The following ZNF608 variants were observed in gnomAD, a reference collection of about 807,000 sequenced individuals.
The protein encoded by ZNF608 is renal carcinoma antigen NY-REN-36.
Under a neutral mutation model 109.0 loss-of-function variants are expected in ZNF608, and 12 were observed. That is an observed-to-expected ratio of 0.11 (90% CI 0.07 to 0.18). The LOEUF (loss-of-function observed/expected upper bound fraction) is 0.18, where lower values mean the gene tolerates loss of function less well. Ranked by LOEUF, ZNF608 falls within the 10% of genes least tolerant of loss-of-function variation. ZNF608 has a pLI of 1.00. For missense variants in ZNF608, 1,707 were observed against 1,879.3 expected, an observed-to-expected ratio of 0.91 and a Z score of 1.70; for synonymous variants, 732 against 717.4, an observed-to-expected ratio of 1.02 and a Z score of -0.33.
chr5:124,647,583 G>T lies in ZNF608; in HGVS notation c.2801C>A (p.Thr934Lys). ...QNGAESSAAKTSSPAYSDISD... is the reference protein window; with the variant it reads ...QNGAESSAAKKSSPAYSDISD... Reference sequence around the variant, plus strand: ...TATGTCTGAATAGGCCGGGCTGCTTGTCTTTGCAGCTGAACTCTCTGCCCC... The same window carrying T: ...TATGTCTGAATAGGCCGGGCTGCTTTTCTTTGCAGCTGAACTCTCTGCCCC... Residue 934 changes from threonine (T) to lysine (K), a missense_variant, in exon 5 of 10, where the codon ACA becomes AAA. Physicochemically the swap from Thr to Lys is moderately conservative, Grantham distance 78. Transcript: ENST00000513986. The T allele has an allele frequency of 1.2e-6, 2 of 1,614,242 alleles. No individual in the cohort carries two copies.
intron 3 of ZNF608, among the ~76,000 whole-genome samples, chr5:124,680,100 T>C (rs1752131573): frequency 6.6e-6 from 1 of 152,016 alleles, no homozygotes; most frequent in South Asian, 2.1e-4. Context: ...AGTCCCAAGC[T>C]TATAGTCTTC....
intron 2 of ZNF608, chr5:124,707,908 T>C (rs1753326078): frequency 6.6e-6 from 1 of 152,226 alleles, no homozygotes; most frequent in Admixed American, 6.5e-5. Flanking sequence ...TTTTCGTAAA[T>C]GTGATGGAGA....
At chr5:124,697,053 C>A (rs1561566941) in intron 3 of ZNF608, among the ~76,000 whole-genome samples, 1 of 151,962 alleles carries the variant, frequency 6.6e-6, no homozygotes, top group East Asian at 1.9e-4. Flanking sequence ...CACCGAGAAC[C>A]CTCTTTGGCA....
intron 9 of ZNF608, among the ~76,000 whole-genome samples, chr5:124,638,281 G>C (rs1209916357): frequency 6.7e-6 from 1 of 148,600 alleles, no homozygotes; most frequent in Non-Finnish European, 1.5e-5. Context: ...TTTTGAGACA[G>C]AGTCTCACTC....
intron 3 of ZNF608, among the ~76,000 whole-genome samples, chr5:124,663,986 T>C (rs919171249): frequency 6.6e-6 from 1 of 152,234 alleles, no homozygotes; most frequent in Non-Finnish European, 1.5e-5. Flanking sequence ...CCTGTATCTG[T>C]AGCTTAAATT....
chr5:124,642,645 T>C (rs997318803), intron 7 of ZNF608, among the ~76,000 whole-genome samples: 1 of 151,884 alleles, frequency 6.6e-6, no homozygotes, highest in African/African-American at 2.4e-5. Context: ...GGGCTACTAG[T>C]TCCCATCAGT....
chr5:124,659,221 A>G (rs918264965), intron 3 of ZNF608, among the ~76,000 whole-genome samples: 1 of 152,152 alleles, frequency 6.6e-6, no homozygotes, highest in East Asian at 1.9e-4. Context: ...TTCGACTAGA[A>G]AAAAACAGGT....
At position 124,746,607 on chromosome 5, in the gene ZNF608, C is replaced by T; in HGVS notation, c.-596G>A. On this transcript the variant is annotated 5_prime_UTR_variant, in exon 1 of 10. An upstream start codon of the reference 5' UTR is lost. Transcript: ENST00000513986. Reference sequence around the variant, plus strand: ...GAGTCACCGTGATCAGTAATGATCCCATGTAGCAAACCTACAGGCGTCCGC... The same window carrying T: ...GAGTCACCGTGATCAGTAATGATCCTATGTAGCAAACCTACAGGCGTCCGC... The T allele has an allele frequency of 2.0e-6, 2 of 985,308 alleles. No individual in the cohort carries two copies. Among genetic ancestry groups the T allele is most frequent in the Non-Finnish European group, 2.4e-6 (2 of 829,918 alleles). 61.0% of individuals were successfully genotyped at this position (985,308 alleles called of 1,614,324 possible). A position where few individuals can be genotyped will look rare whatever the true frequency, so the allele number is the denominator to read the frequency against.
At chr5:124,716,327 T>A (rs1433265521) in intron 2 of ZNF608, among the ~76,000 whole-genome samples, 2 of 147,188 alleles carry the variant, frequency 1.4e-5, no homozygotes, top group African/African-American at 5.4e-5. Flanking sequence ...TTAAATTGTT[T>A]CATTTAATAA....
At chr5:124,710,526 G>C in intron 2 of ZNF608, 1 of 244,626 alleles carries the variant, frequency 4.1e-6, no homozygotes, top group South Asian at 4.8e-5. Flanking sequence ...ATCGTGGGTC[G>C]GCTACAGAAG....
chr5:124,744,876 G>A lies in ZNF608; in HGVS notation c.114C>T (p.Asp38=). 1 of 1,614,118 alleles carries A rather than the reference G, an allele frequency of 6.2e-7. No individual in the cohort carries two copies. The part of the protein sequence containing the change: ...IGVGNLIIDL[D]ADLEKDRQKF... ...TCTGTCTGTCCTTCTCCAAATCAGCGTCCAAATCAATTATTAAATTTCCAA... is the reference window on the plus strand; with the variant it reads ...TCTGTCTGTCCTTCTCCAAATCAGCATCCAAATCAATTATTAAATTTCCAA... The change falls in exon 2 of 10, where the codon GAC becomes GAT. Residue 38 remains aspartate (D), a synonymous_variant. Coordinates refer to ENST00000513986, the MANE Select transcript of ZNF608 (RefSeq NM_020747.3). This position sits in a 1 kb window ranked among gnomAD's most constrained non-coding sequence, Gnocchi z 4.5.
intron 2 of ZNF608, among the ~76,000 whole-genome samples, chr5:124,711,623 G>A (rs867645625): frequency 1.3e-5 from 2 of 152,178 alleles, no homozygotes. Context: ...CTCACTGTTG[G>A]GGAAGTCATT....
chr5:124,713,825 A>C (rs1328234322), intron 2 of ZNF608, among the ~76,000 whole-genome samples: 5 of 152,188 alleles, frequency 3.3e-5, no homozygotes, highest in Non-Finnish European at 7.3e-5. Context: ...GAAGGAAGTG[A>C]AAAAGGAAGT....
chr5:124,688,812 A>C (rs1194593132), intron 3 of ZNF608, among the ~76,000 whole-genome samples: 1 of 152,226 alleles, frequency 6.6e-6, no homozygotes, highest in South Asian at 2.1e-4. Context: ...GGAATATTTG[A>C]TATTTTAAAA....
intron 3 of ZNF608, among the ~76,000 whole-genome samples, chr5:124,682,006 C>T (rs1290167302): frequency 2.0e-5 from 3 of 152,198 alleles, no homozygotes; most frequent in Non-Finnish European, 4.4e-5. Flanking sequence ...AGACAGAAGA[C>T]ATTTTTACGC....
chr5:124,699,273 G>A (rs1450149782), intron 3 of ZNF608, among the ~76,000 whole-genome samples: 1 of 152,158 alleles, frequency 6.6e-6, no homozygotes, highest in Non-Finnish European at 1.5e-5. Context: ...CAACCCAAGA[G>A]AATAACATGA....
At chr5:124,730,121 C>A (rs1235133241) in intron 2 of ZNF608, among the ~76,000 whole-genome samples, 1 of 152,144 alleles carries the variant, frequency 6.6e-6, no homozygotes, top group Non-Finnish European at 1.5e-5. Flanking sequence ...TTTTTCACCA[C>A]CATTTAACTT....
intron 3 of ZNF608, among the ~76,000 whole-genome samples, chr5:124,652,423 C>T (rs745666298): frequency 3.9e-5 from 6 of 152,208 alleles, no homozygotes; most frequent in Non-Finnish European, 7.3e-5. Context: ...TTTGAACAGT[C>T]TCCATCAAGC....
At chr5:124,679,267 C>A (rs1752088956) in intron 3 of ZNF608, among the ~76,000 whole-genome samples, 1 of 152,160 alleles carries the variant, frequency 6.6e-6, no homozygotes, top group African/African-American at 2.4e-5. Flanking sequence ...AGGACTTGAG[C>A]AACATGGGAG....
Sources: gnomAD v4.1 joint callset for allele counts (sites outside exome capture counted in the v4.1 genomes callset) on GRCh38, gnomAD v4.1.1 for gene constraint, Gnocchi (gnomAD v3.1) non-coding constraint, MANE v1.5 for transcripts, NCBI Gene and HGNC (gene_info 2026-07-23, HGNC 2026-07-21) for gene names.